Variants in NMUR2 observed in about 807,000 individuals in gnomAD.
NMUR2 encodes the protein neuromedin U receptor 2, also known as neuromedin-U receptor 2.
In NMUR2, 24 loss-of-function variants were observed where a neutral mutation model predicts 25.1. The ratio of observed to expected loss-of-function variants is 0.96; its 90% CI spans 0.69 to 1.34. The LOEUF (loss-of-function observed/expected upper bound fraction) is 1.34, where lower values mean the gene tolerates loss of function less well. Ranked by LOEUF, NMUR2 falls within the 40% of genes most tolerant of loss-of-function variation. The probability of loss-of-function intolerance (pLI) is 0.00; values close to 1 mark genes in which losing one functional copy is unlikely to be tolerated. For synonymous variants in NMUR2, 218 were observed against 208.1 expected (o/e 1.05, Z -0.41); for missense variants, 533 against 512.8 (o/e 1.04, Z -0.38).
At position 152,405,255 on chromosome 5, in the gene NMUR2, G is replaced by T; in HGVS notation, c.-142C>A. 1.0e-6 allele frequency: 1 copy of T among 996,668 alleles called. No homozygotes were observed. The highest frequency in any genetic ancestry group is 1.4e-6 in the Non-Finnish European group (1 of 695,770). 61.7% of individuals were successfully genotyped at this position (996,668 alleles called of 1,614,324 possible). On this transcript the variant is annotated 5_prime_UTR_variant, in exon 1 of 4. Transcript: ENST00000255262. ...AGGCTTCGTAAGGAAGGCTGGGAGA[G>T]AGTGAGTGTTTCACCCTCCAGGTTA...
At chr5:152,395,388 C>T in intron 3 of NMUR2, 71 bp downstream of exon 3, 1 of 1,580,660 alleles carries the variant, frequency 6.3e-7, no homozygotes, top group South Asian at 1.1e-5. Context: ...ACTTAGGCAT[C>T]TAAGCAAGAT....
intron 2 of NMUR2, among the ~76,000 whole-genome samples, 176 bp from the exon 3 acceptor site, chr5:152,395,760 A>C (rs2113095680): frequency 6.6e-6 from 1 of 151,082 alleles, no homozygotes; most frequent in South Asian, 2.1e-4. Context: ...CACTTAAAAC[A>C]CAAGAATGAA....
At chr5:152,402,784 C>A (rs909731479) in intron 1 of NMUR2, among the ~76,000 whole-genome samples, 10 of 152,146 alleles carry the variant, frequency 6.6e-5, no homozygotes, top group African/African-American at 2.4e-4. Flanking sequence ...TAAGACATGG[C>A]TGTGAGCTAG....
At chr5:152,397,524 A>T (rs755989033) in intron 2 of NMUR2, among the ~76,000 whole-genome samples, 2 of 152,012 alleles carry the variant, frequency 1.3e-5, no homozygotes, top group Non-Finnish European at 2.9e-5. Context: ...CATGGAGTCT[A>T]TGAGTATCAG....
intron 2 of NMUR2, among the ~76,000 whole-genome samples, chr5:152,397,757 A>G (rs990698708): frequency 1.3e-5 from 2 of 152,214 alleles, no homozygotes; most frequent in Non-Finnish European, 2.9e-5. Context: ...CACAGAGTGT[A>G]TGTCAGTGGA....
intron 1 of NMUR2, among the ~76,000 whole-genome samples, chr5:152,404,101 A>G (rs950496493): frequency 1.3e-5 from 2 of 152,180 alleles, no homozygotes; most frequent in African/African-American, 4.8e-5. Context: ...ATTGCTCCCA[A>G]AGTAAGTTTT....
At chr5:152,395,302 C>T (rs1204423364) in intron 3 of NMUR2, among the ~76,000 whole-genome samples, 157 bp downstream of exon 3, 1 of 152,076 alleles carries the variant, frequency 6.6e-6, no homozygotes, top group Non-Finnish European at 1.5e-5. Flanking sequence ...CAGTATCAAA[C>T]ATAATCAATC....
chr5:152,395,414 GT>G (rs1458828922), intron 3 of NMUR2, 44 bp downstream of exon 3: 4 of 1,610,504 alleles, frequency 2.5e-6, no homozygotes, highest in Admixed American at 1.7e-5. Flanking sequence ...AGAAGGTGCT[GT>G]TACCTGAATA....
At chr5:152,393,260 G>A (rs1753093873) in intron 3 of NMUR2, among the ~76,000 whole-genome samples, 1 of 152,082 alleles carries the variant, frequency 6.6e-6, no homozygotes, top group African/African-American at 2.4e-5. Context: ...TGTAAAATGG[G>A]AATGTGATTT....
At position 152,392,448 on chromosome 5, in the gene NMUR2, A is replaced by G; in HGVS notation, c.991T>C (p.Ser331Pro). 6.2e-7 allele frequency: 1 copy of G among 1,614,042 alleles called. No individual in the cohort carries two copies. Among genetic ancestry groups the G allele is most frequent in the Non-Finnish European group, 8.5e-7 (1 of 1,179,924 alleles). ...TGGAATGCTGCCTGGAAGCGGCGAG[A>G]CAGTAGGTTATAGATAATGGGGTTG... The part of the protein sequence containing the change: ...AVNPIIYNLL[S>P]RRFQAAFQNV... The change falls in exon 4 of 4, where the codon TCT becomes CCT. Residue 331 changes from serine (S) to proline (P), a missense_variant. Transcript: ENST00000255262.
intron 1 of NMUR2, 142 bp downstream of exon 1, chr5:152,404,246 C>A (rs960060376): frequency 2.0e-5 from 19 of 956,046 alleles, no homozygotes; most frequent in Non-Finnish European, 2.9e-5. Context: ...TTTTAAGTCT[C>A]AATTTCCCAT....
rs777856453 is a variant in NMUR2 at position 152,404,376 on chromosome 5, C to CT, written c.726+11dup. On this transcript the variant is annotated intron_variant, in intron 1 of 3. Transcript: ENST00000255262. The stretch of plus-strand genomic sequence containing the variant: ...GGATGCTGCCTCAGGCCACCCCAGC[C>CT]TAGATACTCACTCTGAGTGCCATGA... 2.4e-5 allele frequency: 39 copies of CT among 1,599,214 alleles called. No individual in the cohort carries two copies. Among genetic ancestry groups the CT allele is most frequent in the Non-Finnish European group, 3.2e-5 (37 of 1,170,540 alleles).
chr5:152,397,012 G>GTTTTGTTTTTTTTTT (rs1753163804), intron 2 of NMUR2, among the ~76,000 whole-genome samples: 2 of 105,708 alleles, frequency 1.9e-5, no homozygotes, highest in Non-Finnish European at 4.1e-5. Context: ...TGAGCTTCAT[G>GTTTTGTTTTTTTTTT]TTTTTTTTTT....
rs150054462 is a variant in NMUR2, at chr5:152,405,031, C to A, written c.83G>T (p.Ser28Ile). The A allele has an allele frequency of 1.9e-3, 3,083 of 1,614,044 alleles. 18 individuals are homozygous for A. The highest frequency in any genetic ancestry group is 7.0e-3 in the South Asian group (636 of 91,080). ...LEDPFQKHLN[S>I]TEEYLAFLCG... The stretch of plus-strand genomic sequence containing the variant: ...GAGGAAGGCCAGATACTCCTCGGTG[C>A]TGTTCAGGTGTTTCTGGAATGGATC... Residue 28 changes from serine to isoleucine, a missense_variant, in exon 1 of 4, where the codon AGC (serine) becomes ATC (isoleucine). Coordinates refer to ENST00000255262, the MANE Select transcript of NMUR2 (RefSeq NM_020167.5).
At chr5:152,395,041 A>G (rs1753125695) in intron 3 of NMUR2, among the ~76,000 whole-genome samples, 1 of 152,162 alleles carries the variant, frequency 6.6e-6, no homozygotes, top group Admixed American at 6.6e-5. Flanking sequence ...GTAGCCTAAA[A>G]GGAGAACTTG....
intron 3 of NMUR2, among the ~76,000 whole-genome samples, chr5:152,393,969 A>G (rs1467796374): frequency 5.9e-5 from 9 of 152,090 alleles, no homozygotes; most frequent in Non-Finnish European, 1.3e-4. Flanking sequence ...TAAAAGTTGG[A>G]GGATTAAAAG....
chr5:152,403,095 G>T (rs1462904189), intron 1 of NMUR2, among the ~76,000 whole-genome samples: 1 of 152,162 alleles, frequency 6.6e-6, no homozygotes, highest in Admixed American at 6.5e-5. Flanking sequence ...TGTGATATCT[G>T]TTTGTCCTGT....
chr5:152,393,257 T>C (rs940721953), intron 3 of NMUR2, among the ~76,000 whole-genome samples: 2 of 152,180 alleles, frequency 1.3e-5, no homozygotes, highest in Non-Finnish European at 2.9e-5. Context: ...CTCTGTAAAA[T>C]GGGAATGTGA....
At position 152,405,195 on chromosome 5, in the gene NMUR2, G is replaced by GAAA; in HGVS notation, c.-85_-83dup. 1.4e-6 allele frequency: 2 copies of GAAA among 1,426,304 alleles called. No homozygotes were observed. The highest frequency in any genetic ancestry group is 2.9e-5 in the African/African-American group (2 of 69,810). 88.4% of individuals were successfully genotyped at this position (1,426,304 alleles called of 1,614,324 possible). A position where few individuals can be genotyped will look rare whatever the true frequency, so the allele number is the denominator to read the frequency against. On this transcript the variant is annotated 5_prime_UTR_variant, in exon 1 of 4. Transcript: ENST00000255262. Reference sequence around the variant, plus strand: ...GAAAAAAAAAAAAAAAAGAAAAAAGGAAAACAAAAAAGAGAAAGCAGTCAC... The same window carrying GAAA: ...GAAAAAAAAAAAAAAAAGAAAAAAGGAAAAAAACAAAAAAGAGAAAGCAGTCAC...
Sources: gnomAD v4.1 joint callset for allele counts (sites outside exome capture counted in the v4.1 genomes callset) on GRCh38, gnomAD v4.1.1 for gene constraint, MANE v1.5 for transcripts, NCBI Gene and HGNC (gene_info 2026-07-23, HGNC 2026-07-21) for gene names.